Variants in SPATA33 observed in about 807,000 individuals in gnomAD.
SPATA33 encodes the protein spermatogenesis associated 33, also known as spermatogenesis-associated protein 33.
A neutral mutation model predicts 8.9 loss-of-function variants in SPATA33; 10 were observed. The observed-to-expected ratio is 1.12, with a 90% CI of 0.69 to 1.90. The LOEUF is 1.90. SPATA33 is among the 40% of genes most tolerant of loss of function. SPATA33 has a pLI of 0.00. For synonymous variants in SPATA33, 96 were observed against 72.8 expected (o/e 1.32, Z -1.63); for missense variants, 241 against 178.3 (o/e 1.35, Z -2.00).
intron 2 of SPATA33, chr16:89,661,064 C>T: frequency 2.0e-6 from 2 of 986,830 alleles, no homozygotes; most frequent in Non-Finnish European, 2.4e-6. Flanking sequence ...GTCCTGAACC[C>T]ATAAAATCCA....
chr16:89,661,110 G>T (rs747253910), intron 2 of SPATA33: 7 of 985,420 alleles, frequency 7.1e-6, no homozygotes, highest in Non-Finnish European at 8.4e-6. Context: ...CTGAGGTTTG[G>T]GGTAAGTTAC....
At chr16:89,660,495 CAG>C in intron 2 of SPATA33, 1 of 1,231,914 alleles carries the variant, frequency 8.1e-7, no homozygotes, top group Middle Eastern at 3.1e-4. Context: ...AGAGTGAGAA[CAG>C]AGTTTCAGCA....
intron 2 of SPATA33, among the ~76,000 whole-genome samples, chr16:89,666,751 C>A (rs1326716340): frequency 6.6e-6 from 1 of 152,160 alleles, no homozygotes; most frequent in African/African-American, 2.4e-5. Context: ...TGAGCCATCT[C>A]CAATGATAGG....
intron 2 of SPATA33, among the ~76,000 whole-genome samples, chr16:89,662,700 C>G (rs2059979437): frequency 6.7e-6 from 1 of 149,972 alleles, no homozygotes; most frequent in Non-Finnish European, 1.5e-5. Context: ...GTGCTGAGAT[C>G]ACAGGCGTGA....
At chr16:89,667,159 C>CCATG (rs2060037109) in intron 2 of SPATA33, among the ~76,000 whole-genome samples, 1 of 152,302 alleles carries the variant, frequency 6.6e-6, no homozygotes, top group Admixed American at 6.5e-5. Flanking sequence ...TACTGCTAGA[C>CCATG]CATGGTCTGC....
Position 89,665,460 on chromosome 16 carries a change from A to T in SPATA33, c.212-3826A>T, listed in dbSNP as rs1049663127. On this transcript the variant is annotated intron_variant, in intron 2 of 2. Transcript: ENST00000579310. ...GCTGGGACTACAGGTGCCTGCCACC[A>T]CGCCTGGCTAATTTTTTGTATTTTT... is the stretch of plus-strand genomic sequence containing the variant. 2.0e-5 allele frequency among the ~76,000 whole-genome samples: 3 copies of T among 148,182 alleles called. No homozygotes were observed. In the Admixed American group the frequency reaches 2.0e-4, roughly 10 times the overall value.
At chr16:89,662,663 C>G (rs746310296) in intron 2 of SPATA33, among the ~76,000 whole-genome samples, 18 of 152,280 alleles carry the variant, frequency 1.2e-4, no homozygotes, top group Admixed American at 2.0e-4. Flanking sequence ...CTGGCTTCAG[C>G]TGATCCACCC....
At chr16:89,665,507 G>T (rs1490732177) in intron 2 of SPATA33, among the ~76,000 whole-genome samples, 1 of 145,608 alleles carries the variant, frequency 6.9e-6, no homozygotes, top group African/African-American at 2.5e-5. Flanking sequence ...GTAGAGATGG[G>T]GTTTCACTAT....
chr16:89,669,922 G>C lies in SPATA33; in HGVS notation c.*425G>C. 5.1e-6 allele frequency: 1 copy of C among 194,598 alleles called. No individual in the cohort carries two copies. The highest frequency in any genetic ancestry group is 8.5e-5 in the South Asian group (1 of 11,764). The allele number at this position is 194,598 out of a possible 1,614,324, so 12.1% of individuals were successfully genotyped here. A position where few individuals can be genotyped will look rare whatever the true frequency, so the allele number is the denominator to read the frequency against. ...CCCCCTTCTCCAGTGCTCTCGGGGA[G>C]GGTGCACCAGGGCTGCCCCACGCTG... On this transcript the variant is annotated 3_prime_UTR_variant, in exon 3 of 3. Transcript: ENST00000579310.
chr16:89,657,824 C>T (rs1003374909), upstream of SPATA33: 1 of 1,511,148 alleles, frequency 6.6e-7, no homozygotes, highest in Non-Finnish European at 8.8e-7. Flanking sequence ...GCCGCTGGCG[C>T]GAGGACCTTT....
At chr16:89,658,098 G>C in intron 1 of SPATA33, 150 bp downstream of exon 1, 1 of 1,486,770 alleles carries the variant, frequency 6.7e-7, no homozygotes, top group Admixed American at 2.6e-5. Flanking sequence ...CACGGACGGC[G>C]CGTTTCCCGC....
At chr16:89,662,359 C>G (rs189878232) in intron 2 of SPATA33, among the ~76,000 whole-genome samples, 1 of 150,834 alleles carries the variant, frequency 6.6e-6, no homozygotes, top group Admixed American at 6.6e-5. Context: ...CTGATTGAAG[C>G]TGAGTGCTCT....
chr16:89,660,470 G>T (rs1001600508), intron 2 of SPATA33: 8 of 1,231,820 alleles, frequency 6.5e-6, no homozygotes, highest in Non-Finnish European at 7.1e-6. Flanking sequence ...GACATGAAGG[G>T]AAAACAGCAG....
chr16:89,665,332 T>C (rs565309473), intron 2 of SPATA33, among the ~76,000 whole-genome samples: 19 of 137,834 alleles, frequency 1.4e-4, no homozygotes, highest in Non-Finnish European at 2.8e-4. Flanking sequence ...AGATGGAGTC[T>C]TGCTCTGTCG....
intron 2 of SPATA33, among the ~76,000 whole-genome samples, chr16:89,664,470 A>G (rs1205657341): frequency 1.3e-5 from 2 of 152,190 alleles, no homozygotes; most frequent in East Asian, 1.9e-4. Flanking sequence ...TCACTCATCC[A>G]TTGAGTTTGA....
rs2060079837 is a variant in SPATA33, at chr16:89,669,930, C to G, written c.*433C>G. ...TCCAGTGCTCTCGGGGAGGGTGCAC[C>G]AGGGCTGCCCCACGCTGTAAGAAGC... On this transcript the variant is annotated 3_prime_UTR_variant, in exon 3 of 3. Coordinates refer to ENST00000579310, the MANE Select transcript of SPATA33 (RefSeq NM_001271907.2). The G allele has an allele frequency of 1.0e-5, 2 of 191,700 alleles. 1 individual carries two copies. Among genetic ancestry groups the G allele is most frequent in the South Asian group, 1.8e-4 (2 of 10,928 alleles). 11.9% of individuals were successfully genotyped at this position (191,700 alleles called of 1,614,324 possible).
At chr16:89,661,896 C>T (rs2059970399) in intron 2 of SPATA33, among the ~76,000 whole-genome samples, 1 of 152,118 alleles carries the variant, frequency 6.6e-6, no homozygotes, top group Admixed American at 6.6e-5. Context: ...TGTTAATTTT[C>T]TTAGATGTGG....
chr16:89,658,465 A>G, intron 2 of SPATA33, 44 bp downstream of exon 2: 1 of 1,557,634 alleles, frequency 6.4e-7, no homozygotes, highest in South Asian at 1.2e-5. Flanking sequence ...AGTGGCTTGG[A>G]GGATCTGGGG....
At chr16:89,658,630 C>T (rs2059920032) in intron 2 of SPATA33, 5 of 695,596 alleles carry the variant, frequency 7.2e-6, no homozygotes, top group South Asian at 3.9e-5. Context: ...AAATGTAGGT[C>T]AGTTCCCGAG....
Sources: gnomAD v4.1 joint callset for allele counts (sites outside exome capture counted in the v4.1 genomes callset) on GRCh38, gnomAD v4.1.1 for gene constraint, MANE v1.5 for transcripts, NCBI Gene and HGNC (gene_info 2026-07-23, HGNC 2026-07-21) for gene names.